Variants in JAK3 observed in about 807,000 individuals in gnomAD.
JAK3 encodes the protein tyrosine-protein kinase JAK3.
In JAK3, 88 loss-of-function variants were observed where a neutral mutation model predicts 120.8. The observed-to-expected ratio is 0.73, with a 90% CI of 0.61 to 0.87. JAK3 has a LOEUF of 0.87. Ranked by LOEUF, JAK3 falls within the 40% of genes least tolerant of loss-of-function variation. The probability of loss-of-function intolerance (pLI) is 0.00; values close to 1 mark genes in which losing one functional copy is unlikely to be tolerated. For synonymous variants in JAK3, 592 were observed against 628.6 expected, an observed-to-expected ratio of 0.94 and a Z score of 0.87; for missense variants, 1,254 against 1,501.4, an observed-to-expected ratio of 0.84 and a Z score of 2.72.
Position 17,847,978 on chromosome 19 carries a change from CG to C in JAK3, c.-47del, listed in dbSNP as rs2147705860. On this transcript the variant is annotated 5_prime_UTR_variant, in exon 1 of 24. Coordinates refer to ENST00000458235, the MANE Select transcript of JAK3 (RefSeq NM_000215.4). ...GCAGGGACCCTGGACTTTCGAAGGG[CG>C]GGCAGAGCCGGGAGGCAGCGAGAGG... The C allele has an allele frequency of 9.6e-7, 1 of 1,039,816 alleles. No homozygotes were observed. The highest frequency in any genetic ancestry group is 1.7e-5 in the African/African-American group (1 of 59,572). The allele number at this position is 1,039,816 out of a possible 1,614,324, so 64.4% of individuals were successfully genotyped here.
In JAK3 at chr19:17,832,729, T is replaced by G. The variant is rs200260553; in HGVS notation, c.2491-21A>C. 60 of 1,614,138 alleles carry G rather than the reference T, an allele frequency of 3.7e-5. No homozygotes were observed. The highest frequency in any genetic ancestry group is 2.1e-5 in the Non-Finnish European group (25 of 1,180,052). On this transcript the variant is annotated intron_variant, in intron 18 of 23. Transcript: ENST00000458235. This position sits in a 1 kb window ranked among gnomAD's most constrained non-coding sequence, Gnocchi z 4.7. Reference sequence around the variant, plus strand: ...TTGCCCTGGGGGATAGCGGGACTGATGTCCAGGCACCTGGATGCTGCCCTG... The same window carrying G: ...TTGCCCTGGGGGATAGCGGGACTGAGGTCCAGGCACCTGGATGCTGCCCTG...
rs145500023 is a variant in JAK3, at chr19:17,844,395, G to A, written c.23C>T (p.Thr8Met). 7.3e-4 allele frequency: 1,182 copies of A among 1,611,570 alleles called. No individual in the cohort carries two copies. The highest frequency in any genetic ancestry group is 8.9e-4 in the Non-Finnish European group (1,049 of 1,179,412). Residue 8 changes from threonine (T) to methionine (M), a missense_variant, in exon 2 of 24, where the codon ACG becomes ATG. Transcript: ENST00000458235. The part of the protein sequence containing the change: MAPPSEE[T>M]PLIPQRSCSL... ...GCATGAACGCTGAGGGATCAGGGGC[G>A]TCTCTTCACTTGGAGGTGCCATGAG...
rs2147694257 is a variant in JAK3 at position 17,841,218 on chromosome 19, C to T, written c.1142+171G>A. On this transcript the variant is annotated intron_variant, in intron 8 of 23. Coordinates refer to ENST00000458235, the MANE Select transcript of JAK3 (RefSeq NM_000215.4). The surrounding 1 kb of genome is among the most constrained non-coding windows in gnomAD (Gnocchi z 4.1). Reference sequence around the variant, plus strand: ...AGAGAGAGAGAGAGTAGTGGTCGCCCTGTGAAGCAGAAGGAATACTTCAGC... The same window carrying T: ...AGAGAGAGAGAGAGTAGTGGTCGCCTTGTGAAGCAGAAGGAATACTTCAGC... Among the ~76,000 whole-genome samples the T allele has an allele frequency of 6.6e-6, 1 of 152,290 alleles. No individual in the cohort carries two copies. The highest frequency in any genetic ancestry group is 1.9e-4 in the East Asian group (1 of 5,172).
intron 10 of JAK3, 188 bp downstream of exon 10, chr19:17,839,289 T>C (rs555706474): frequency 2.7e-5 from 19 of 696,982 alleles, no homozygotes; most frequent in Admixed American, 1.6e-4. Context: ...CACATCTAGC[T>C]GTGCCTAGAT....
Position 17,842,284 on chromosome 19 carries a change from TG to T in JAK3, c.861+31del. ...CCCTCCCCGAGCCCCGCCCCCACGT[TG>T]GCCCCGCCCAGCGGGGGAGTCCGCC... On this transcript the variant is annotated intron_variant, in intron 6 of 23. Transcript: ENST00000458235. This position sits in a 1 kb window ranked among gnomAD's most constrained non-coding sequence, Gnocchi z 6.4. The T allele has an allele frequency of 6.6e-7, 1 of 1,505,660 alleles. No homozygotes were observed. Among genetic ancestry groups the T allele is most frequent in the East Asian group, 2.4e-5 (1 of 42,396 alleles). 93.3% of individuals were successfully genotyped at this position (1,505,660 alleles called of 1,614,324 possible).
intron 11 of JAK3, 57 bp downstream of exon 11, chr19:17,838,206 C>T (rs140047856): frequency 1.9e-5 from 30 of 1,612,816 alleles, no homozygotes; most frequent in Non-Finnish European, 2.1e-5. Context: ...TGAGGCCACG[C>T]ATCTGAGTCT....
rs778408934 is a variant in JAK3, at chr19:17,843,536, C to T, written c.309-45G>A. On this transcript the variant is annotated intron_variant, in intron 3 of 23. Transcript: ENST00000458235. This position sits in a 1 kb window ranked among gnomAD's most constrained non-coding sequence, Gnocchi z 5.4. ...CCCTGGGATGAAAGTGCAACCCAGC[C>T]TCAGTAGGAGTGACATTATGGTGGG... 4.3e-6 allele frequency: 6 copies of T among 1,384,010 alleles called. No individual in the cohort carries two copies. The highest frequency in any genetic ancestry group is 6.1e-6 in the Non-Finnish European group (6 of 988,692). The allele number at this position is 1,384,010 out of a possible 1,614,324, so 85.7% of individuals were successfully genotyped here. A position where few individuals can be genotyped will look rare whatever the true frequency, so the allele number is the denominator to read the frequency against.
rs549958222 is a variant in JAK3, at chr19:17,824,952, A to G, written c.*1791T>C. 1.5e-3 allele frequency: 334 copies of G among 219,698 alleles called. No homozygotes were observed. The highest frequency in any genetic ancestry group is 6.9e-3 in the African/African-American group (308 of 44,684). 13.6% of individuals were successfully genotyped at this position (219,698 alleles called of 1,614,324 possible). A position where few individuals can be genotyped will look rare whatever the true frequency, so the allele number is the denominator to read the frequency against. ...CTGGAGGGAAGGACAGGGCTACAGT[A>G]GTAGTGGGGGTATATGAGGGAAGGC... On this transcript the variant is annotated 3_prime_UTR_variant, in exon 24 of 24. Coordinates refer to ENST00000458235, the MANE Select transcript of JAK3 (RefSeq NM_000215.4).
Position 17,838,406 on chromosome 19 carries a change from G to T in JAK3, c.1442-16C>A. On this transcript the variant is annotated splice_polypyrimidine_tract_variant and intron_variant, in intron 10 of 23. Coordinates refer to ENST00000458235, the MANE Select transcript of JAK3 (RefSeq NM_000215.4). ...TTGGACTTTTCTATGGGGAGAGGAT[G>T]AGGGAGAAAAACCAGAAATCAGAGG... 1 of 1,614,182 alleles carries T rather than the reference G, an allele frequency of 6.2e-7. No individual in the cohort carries two copies. Among genetic ancestry groups the T allele is most frequent in the Non-Finnish European group, 8.5e-7 (1 of 1,180,026 alleles).
chr19:17,845,413 C>T (rs1413316556), intron 1 of JAK3, among the ~76,000 whole-genome samples: 1 of 152,066 alleles, frequency 6.6e-6, no homozygotes, highest in East Asian at 1.9e-4. Context: ...GCCTCAGCCT[C>T]CCAAAATGCT....
Position 17,842,379 on chromosome 19 carries a change from G to T in JAK3, c.798C>A (p.Asp266Glu), listed in dbSNP as rs1370621788. ...VGLPGALGGH[D>E]GLGLLRVAGD... Reference sequence around the variant, plus strand: ...CAGCCACGCGGAGCAGCCCCAGCCCGTCGTGGCCACCAAGGGCCCCAGGGA... The same window carrying T: ...CAGCCACGCGGAGCAGCCCCAGCCCTTCGTGGCCACCAAGGGCCCCAGGGA... Residue 266 changes from aspartate to glutamate, a missense_variant, in exon 6 of 24, where the codon GAC becomes GAA. This residue lies in a region of JAK3 where 486 missense variants were observed against 503.0 expected (regional missense o/e 0.97). Coordinates refer to ENST00000458235, the MANE Select transcript of JAK3 (RefSeq NM_000215.4). This position sits in a 1 kb window ranked among gnomAD's most constrained non-coding sequence, Gnocchi z 6.4. The T allele has an allele frequency of 1.3e-6, 2 of 1,586,010 alleles. No individual in the cohort carries two copies. Among genetic ancestry groups the T allele is most frequent in the Non-Finnish European group, 1.7e-6 (2 of 1,170,154 alleles).
chr19:17,835,503 A>G (rs535233687), intron 14 of JAK3, among the ~76,000 whole-genome samples: 3 of 152,230 alleles, frequency 2.0e-5, no homozygotes, highest in African/African-American at 4.8e-5. Flanking sequence ...CAAGCTTCCA[A>G]TGAACTTCCC....
rs966548994 is a variant in JAK3, at chr19:17,841,779, G to C, written c.862-17C>G. On this transcript the variant is annotated splice_polypyrimidine_tract_variant and intron_variant, in intron 6 of 23. Transcript: ENST00000458235. This position sits in a 1 kb window ranked among gnomAD's most constrained non-coding sequence, Gnocchi z 4.1. ...CTGGAGGACCTGGGAAGGAGGGGGA[G>C]TACCGAAGTGGGGGCCCAGCTGGAC... The C allele has an allele frequency of 6.2e-7, 1 of 1,601,184 alleles. No homozygotes were observed. The highest frequency in any genetic ancestry group is 1.3e-5 in the African/African-American group (1 of 74,930).
intron 11 of JAK3, 58 bp downstream of exon 11, chr19:17,838,205 G>A (rs1447130736): frequency 8.1e-6 from 13 of 1,612,056 alleles, no homozygotes; most frequent in East Asian, 2.2e-5. Context: ...CTGAGGCCAC[G>A]CATCTGAGTC....
At chr19:17,835,035 C>T (rs953760237) in intron 15 of JAK3, 32 bp from the exon 16 acceptor site, 4 of 1,614,184 alleles carry the variant, frequency 2.5e-6, no homozygotes, top group South Asian at 2.2e-5. Context: ...CAGGGATCCA[C>T]TTCCTTGCCC....
chr19:17,847,774 G>A (rs1168727858), intron 1 of JAK3, among the ~76,000 whole-genome samples, 172 bp downstream of exon 1: 1 of 152,168 alleles, frequency 6.6e-6, no homozygotes, highest in Non-Finnish European at 1.5e-5. Flanking sequence ...AGAGAAGCGA[G>A]CGATCGGAGG....
At chr19:17,837,577 G>A (rs957575760) in intron 12 of JAK3, among the ~76,000 whole-genome samples, 3 of 150,280 alleles carry the variant, frequency 2.0e-5, no homozygotes, top group South Asian at 2.1e-4. Flanking sequence ...CACCACGCCC[G>A]GCTAATTTTG....
chr19:17,826,656 C>T lies in JAK3; in HGVS notation c.*87G>A. The T allele has an allele frequency of 6.9e-7, 1 of 1,440,892 alleles. No individual in the cohort carries two copies. Among genetic ancestry groups the T allele is most frequent in the Non-Finnish European group, 9.8e-7 (1 of 1,022,840 alleles). 89.3% of individuals were successfully genotyped at this position (1,440,892 alleles called of 1,614,324 possible). On this transcript the variant is annotated 3_prime_UTR_variant, in exon 24 of 24. Coordinates refer to ENST00000458235, the MANE Select transcript of JAK3 (RefSeq NM_000215.4). The stretch of plus-strand genomic sequence containing the variant: ...CCTGAAGTAGAGGACCCTCATAAGG[C>T]CTCTGAGGCCCAGAGAGGGGCAGCT...
intron 23 of JAK3, among the ~76,000 whole-genome samples, chr19:17,827,526 T>C (rs1412219727): frequency 3.3e-5 from 5 of 150,448 alleles, no homozygotes; most frequent in Non-Finnish European, 7.4e-5. Flanking sequence ...TCTGTATTTT[T>C]AGTAGAGACG....
Sources: gnomAD v4.1 joint callset for allele counts (sites outside exome capture counted in the v4.1 genomes callset) on GRCh38, gnomAD v4.1.1 for gene constraint, gnomAD v4.1.1 regional missense constraint, Gnocchi (gnomAD v3.1) non-coding constraint, MANE v1.5 for transcripts, NCBI Gene and HGNC (gene_info 2026-07-23, HGNC 2026-07-21) for gene names.